TENM4: variants seen among roughly 807,000 people sequenced by gnomAD.
TENM4 encodes teneurin-4.
TENM4 carries 82 observed loss-of-function variants against 243.3 expected under a neutral mutation model. That is an observed-to-expected ratio of 0.34 (90% CI 0.28 to 0.40). TENM4 has a LOEUF of 0.40. Among genes scored for constraint, TENM4 ranks in the 10% least tolerant of loss-of-function variants. TENM4 has a pLI of 1.00. For synonymous variants in TENM4, 1,412 were observed against 1,456.3 expected (o/e 0.97, Z 0.69); for missense variants, 3,138 against 3,673.3 (o/e 0.85, Z 3.77).
Position 78,863,047 on chromosome 11 carries a change from C to T in TENM4, c.1170G>A (p.Trp390Ter). Residue 390 changes from tryptophan (W) to a stop codon, truncating the protein, a stop_gained, in exon 10 of 34, where the codon TGG (tryptophan) becomes TGA (stop). Coordinates refer to ENST00000278550, the MANE Select transcript of TENM4 (RefSeq NM_001098816.3). LOFTEE classifies it high-confidence loss of function. ...ATAGGGAGACGTCGGTTGGCACAGG[C>T]CAACTGCTGGCTGTGTCCTCCGTGA... is the stretch of plus-strand genomic sequence containing the variant. ...YEITEDTASSWPVPTDVSLYP... is the reference protein window; with the variant it reads ...YEITEDTASS The T allele has an allele frequency of 6.5e-7, 1 of 1,538,892 alleles. No individual in the cohort carries two copies. Among genetic ancestry groups the T allele is most frequent in the Non-Finnish European group, 8.8e-7 (1 of 1,137,282 alleles).
chr11:78,703,523 T>G (rs893463217), intron 27 of TENM4, among the ~76,000 whole-genome samples: 2 of 152,106 alleles, frequency 1.3e-5, no homozygotes, highest in Non-Finnish European at 2.9e-5. Context: ...TAGGTCATGG[T>G]GAGTCTTCAA....
intron 2 of TENM4, among the ~76,000 whole-genome samples, chr11:79,258,634 C>T (rs999212411): frequency 6.6e-6 from 1 of 152,214 alleles, no homozygotes; most frequent in Admixed American, 6.5e-5. Context: ...GGAATCTTTA[C>T]TGACAGTGAA....
chr11:79,423,027 G>A (rs571253694), intron 1 of TENM4, among the ~76,000 whole-genome samples: 44 of 152,168 alleles, frequency 2.9e-4, no homozygotes, highest in Non-Finnish European at 4.6e-4. Context: ...CAAGGATGCC[G>A]GACCCAATCC....
At position 79,282,573 on chromosome 11, in the gene TENM4, C is replaced by T. The variant is rs1280973476; in HGVS notation, c.-265+14915G>A. 2.6e-5 allele frequency among the ~76,000 whole-genome samples: 4 copies of T among 152,116 alleles called. No homozygotes were observed. The South Asian group carries it at 6.2e-4, about 24-fold the overall frequency. ...CAGTAACATTCTTTCCTCATTTTTACGTGTTAAAAAACAACAAAAACAAAC... is the reference window on the plus strand; with the variant it reads ...CAGTAACATTCTTTCCTCATTTTTATGTGTTAAAAAACAACAAAAACAAAC... On this transcript the variant is annotated intron_variant, in intron 2 of 33. Transcript: ENST00000278550.
chr11:79,224,311 C>T (rs1038721705), intron 2 of TENM4, among the ~76,000 whole-genome samples: 2 of 152,160 alleles, frequency 1.3e-5, no homozygotes, highest in African/African-American at 2.4e-5. Flanking sequence ...TTAACAACGC[C>T]GAGTTAGTCA....
chr11:79,309,138 C>A (rs1485213747), intron 1 of TENM4, among the ~76,000 whole-genome samples: 2 of 152,222 alleles, frequency 1.3e-5, no homozygotes, highest in African/African-American at 4.8e-5. Flanking sequence ...CTAGTGTTAA[C>A]AAATCTGACT....
chr11:79,357,311 G>T (rs758596089), intron 1 of TENM4, among the ~76,000 whole-genome samples: 2 of 152,216 alleles, frequency 1.3e-5, no homozygotes, highest in Non-Finnish European at 2.9e-5. Flanking sequence ...TGCAGATTTG[G>T]TTCAGAATAT....
intron 27 of TENM4, among the ~76,000 whole-genome samples, chr11:78,703,812 G>A (rs1282047860): frequency 6.6e-6 from 1 of 151,874 alleles, no homozygotes; most frequent in African/African-American, 2.4e-5. Context: ...CCAATCTGGG[G>A]TGCGCTTAAG....
intron 6 of TENM4, among the ~76,000 whole-genome samples, chr11:78,937,464 G>C (rs1856809476): frequency 6.6e-6 from 1 of 152,144 alleles, no homozygotes; most frequent in Non-Finnish European, 1.5e-5. Context: ...AGTTAATGCT[G>C]CTGAGAACTC....
intron 9 of TENM4, among the ~76,000 whole-genome samples, chr11:78,869,108 A>G (rs919587430): frequency 9.2e-5 from 14 of 152,182 alleles, no homozygotes; most frequent in African/African-American, 3.1e-4. Flanking sequence ...AACTATATAC[A>G]CAAGATGTAC....
intron 1 of TENM4, among the ~76,000 whole-genome samples, chr11:79,374,338 T>C (rs1028440211): frequency 2.0e-5 from 3 of 152,094 alleles, no homozygotes; most frequent in Non-Finnish European, 4.4e-5. Flanking sequence ...ATTTGTCGCC[T>C]CAATCTTTAT....
chr11:78,878,621 T>C (rs1301501840), intron 9 of TENM4, among the ~76,000 whole-genome samples: 1 of 152,162 alleles, frequency 6.6e-6, no homozygotes, highest in East Asian at 1.9e-4. Context: ...CTCCCACCAA[T>C]TAAACTGGCA....
At chr11:78,988,253 G>A (rs1857963926) in intron 6 of TENM4, among the ~76,000 whole-genome samples, 1 of 152,218 alleles carries the variant, frequency 6.6e-6, no homozygotes, top group Non-Finnish European at 1.5e-5. Context: ...CCTGCCAACA[G>A]CCAGTATCAG....
At chr11:79,134,369 A>G (rs557177063) in intron 4 of TENM4, among the ~76,000 whole-genome samples, 2 of 152,334 alleles carry the variant, frequency 1.3e-5, no homozygotes, top group East Asian at 1.9e-4. Context: ...ATGGAAACAC[A>G]TTCCATGCTC....
At chr11:78,729,342 G>C (rs929472314) in intron 22 of TENM4, 34 bp downstream of exon 22, 1 of 1,548,138 alleles carries the variant, frequency 6.5e-7, no homozygotes, top group East Asian at 2.4e-5. Context: ...CCCTGCAAGA[G>C]CTATTCTCTG....
At chr11:78,793,278 G>A (rs528188990) in intron 15 of TENM4, among the ~76,000 whole-genome samples, 4 of 152,234 alleles carry the variant, frequency 2.6e-5, no homozygotes, top group East Asian at 1.9e-4. Context: ...AAGGGCCCCC[G>A]CCCAAAGATC....
intron 4 of TENM4, among the ~76,000 whole-genome samples, chr11:79,098,318 C>A (rs1259674176): frequency 6.6e-6 from 1 of 151,934 alleles, no homozygotes; most frequent in Admixed American, 6.6e-5. Flanking sequence ...CTTCTCAAAG[C>A]CAAACAGCTA....
At chr11:79,400,123 A>T (rs961669303) in intron 1 of TENM4, among the ~76,000 whole-genome samples, 1 of 150,976 alleles carries the variant, frequency 6.6e-6, no homozygotes, top group African/African-American at 2.4e-5. Context: ...ACACACACAC[A>T]CACACACACA....
chr11:78,831,249 T>C (rs1346606536), intron 12 of TENM4, among the ~76,000 whole-genome samples: 5 of 152,232 alleles, frequency 3.3e-5, no homozygotes, highest in African/African-American at 1.2e-4. Flanking sequence ...TCAGGAAAAC[T>C]GCACTGGCAT....
Sources: gnomAD v4.1 joint callset for allele counts (sites outside exome capture counted in the v4.1 genomes callset) on GRCh38, gnomAD v4.1.1 for gene constraint, MANE v1.5 for transcripts, NCBI Gene and HGNC (gene_info 2026-07-23, HGNC 2026-07-21) for gene names.